SLC1A3: variants seen among roughly 807,000 people sequenced by gnomAD.
SLC1A3 encodes excitatory amino acid transporter 1.
In SLC1A3, 21 loss-of-function variants were observed where a neutral mutation model predicts 48.1. That is an observed-to-expected ratio of 0.44 (90% CI 0.31 to 0.63). The LOEUF (loss-of-function observed/expected upper bound fraction) is 0.63. SLC1A3 is among the 20% of genes least tolerant of loss of function. The pLI is 0.08. For missense variants in SLC1A3, 546 were observed against 689.0 expected (o/e 0.79, Z 2.32); for synonymous variants, 239 against 251.4 (o/e 0.95, Z 0.47).
At chr5:36,638,189 ATGTC>A (rs761950342) in intron 3 of SLC1A3, among the ~76,000 whole-genome samples, 2 of 152,144 alleles carry the variant, frequency 1.3e-5, no homozygotes, top group Non-Finnish European at 2.9e-5. Context: ...CACTGTTAAC[ATGTC>A]TATCTTCCTC....
At chr5:36,652,323 C>T (rs1028469502) in intron 3 of SLC1A3, among the ~76,000 whole-genome samples, 5 of 117,942 alleles carry the variant, frequency 4.2e-5, no homozygotes, top group African/African-American at 1.1e-4. Context: ...CGCACACACA[C>T]ATACACACAC....
chr5:36,632,309 C>G (rs1055541965), intron 3 of SLC1A3, among the ~76,000 whole-genome samples: 1 of 152,210 alleles, frequency 6.6e-6, no homozygotes, highest in Non-Finnish European at 1.5e-5. Flanking sequence ...ACGCAGTACA[C>G]CCATTCCAAT....
intron 3 of SLC1A3, among the ~76,000 whole-genome samples, chr5:36,631,406 T>C (rs1320738064): frequency 1.3e-5 from 2 of 152,198 alleles, no homozygotes; most frequent in East Asian, 3.8e-4. Flanking sequence ...ATAAGAACTT[T>C]GGTTGTGTAA....
At chr5:36,613,882 CT>C (rs201393575) in intron 2 of SLC1A3, among the ~76,000 whole-genome samples, 1,704 of 152,192 alleles carry the variant, frequency 0.011, 35 homozygotes, top group African/African-American at 0.038. Flanking sequence ...ATCTTCTCCC[CT>C]GGGGGAAAAA....
intron 3 of SLC1A3, among the ~76,000 whole-genome samples, chr5:36,650,209 C>G (rs1206469371): frequency 6.6e-6 from 1 of 152,154 alleles, no homozygotes; most frequent in Middle Eastern, 3.2e-3. Context: ...TGGAAGTCCT[C>G]TCTCCTGAAT....
At chr5:36,659,618 A>T (rs897142186) in intron 3 of SLC1A3, among the ~76,000 whole-genome samples, 1 of 152,170 alleles carries the variant, frequency 6.6e-6, no homozygotes, top group African/African-American at 2.4e-5. Flanking sequence ...GTTGATGACA[A>T]CCATTTCCTT....
chr5:36,664,438 G>A (rs1379108142), intron 3 of SLC1A3, among the ~76,000 whole-genome samples: 1 of 151,382 alleles, frequency 6.6e-6, no homozygotes, highest in African/African-American at 2.4e-5. Flanking sequence ...CGGCCCATTG[G>A]CTCCTTTTTA....
chr5:36,650,209 C>T (rs1206469371), intron 3 of SLC1A3, among the ~76,000 whole-genome samples: 3 of 152,154 alleles, frequency 2.0e-5, no homozygotes, highest in Non-Finnish European at 4.4e-5. Context: ...TGGAAGTCCT[C>T]TCTCCTGAAT....
At chr5:36,615,652 G>A (rs1042604593) in intron 2 of SLC1A3, among the ~76,000 whole-genome samples, 3 of 152,152 alleles carry the variant, frequency 2.0e-5, no homozygotes, top group Non-Finnish European at 4.4e-5. Flanking sequence ...AAAACCACAG[G>A]CTTTTGTTTT....
At chr5:36,626,059 G>T (rs1252196846) in intron 2 of SLC1A3, among the ~76,000 whole-genome samples, 1 of 152,196 alleles carries the variant, frequency 6.6e-6, no homozygotes, top group East Asian at 1.9e-4. Flanking sequence ...CATGGAGCTG[G>T]CTTACTTTCC....
chr5:36,650,454 T>C (rs939391336), intron 3 of SLC1A3, among the ~76,000 whole-genome samples: 1 of 152,242 alleles, frequency 6.6e-6, no homozygotes, highest in African/African-American at 2.4e-5. Context: ...ATACATTGAA[T>C]TTGTTTGACA....
rs547601605 is a variant in SLC1A3, at chr5:36,608,919, G to A, written c.181+315G>A. On this transcript the variant is annotated intron_variant, in intron 2 of 9. Coordinates refer to ENST00000265113, the MANE Select transcript of SLC1A3 (RefSeq NM_004172.5). ...TTAATCATTAGGCATGACAAAGCAA[G>A]CATGCTAGATTTGGCCAAAATGTAA... The A allele has an allele frequency of 1.4e-5, 15 of 1,075,952 alleles. No individual in the cohort carries two copies. In the African/African-American group the frequency reaches 1.7e-4, roughly 12 times the overall value. The allele number at this position is 1,075,952 out of a possible 1,614,324, so 66.7% of individuals were successfully genotyped here.
chr5:36,644,223 A>G (rs1740748922), intron 3 of SLC1A3, among the ~76,000 whole-genome samples: 1 of 150,884 alleles, frequency 6.6e-6, no homozygotes. Flanking sequence ...TGTTTGTCTT[A>G]GGTGTGAGAG....
At chr5:36,657,961 T>A (rs1479553290) in intron 3 of SLC1A3, among the ~76,000 whole-genome samples, 4 of 152,218 alleles carry the variant, frequency 2.6e-5, no homozygotes, top group African/African-American at 9.7e-5. Flanking sequence ...GCAGAGTAGC[T>A]ACTAAGAGGG....
intron 2 of SLC1A3, among the ~76,000 whole-genome samples, chr5:36,622,675 G>T (rs1294161301): frequency 1.3e-5 from 2 of 152,138 alleles, no homozygotes; most frequent in Non-Finnish European, 2.9e-5. Flanking sequence ...TGCACGTTGT[G>T]TCTTAGTTTA....
chr5:36,663,291 C>A (rs1741590381), intron 3 of SLC1A3, among the ~76,000 whole-genome samples: 1 of 152,010 alleles, frequency 6.6e-6, no homozygotes, highest in South Asian at 2.1e-4. Flanking sequence ...TCTCTGCTCC[C>A]TGCAACCTCC....
intron 2 of SLC1A3, among the ~76,000 whole-genome samples, chr5:36,625,918 A>T (rs142476361): frequency 6.6e-6 from 1 of 152,234 alleles, no homozygotes; most frequent in Non-Finnish European, 1.5e-5. Context: ...CTTGCTGACT[A>T]TAAGGAGAGA....
chr5:36,675,539 C>A (rs562446010), intron 5 of SLC1A3, among the ~76,000 whole-genome samples: 3 of 152,250 alleles, frequency 2.0e-5, no homozygotes, highest in South Asian at 4.2e-4. Flanking sequence ...TTGGCTTAGA[C>A]CAGGATGCAA....
intron 1 of SLC1A3, among the ~76,000 whole-genome samples, chr5:36,599,674 A>G (rs539956302): frequency 3.7e-4 from 48 of 128,098 alleles, no homozygotes; most frequent in African/African-American, 1.5e-3. Context: ...CACGCCTGCT[A>G]ATTTTTGTAT....
Sources: gnomAD v4.1 joint callset for allele counts (sites outside exome capture counted in the v4.1 genomes callset) on GRCh38, gnomAD v4.1.1 for gene constraint, MANE v1.5 for transcripts, NCBI Gene and HGNC (gene_info 2026-07-23, HGNC 2026-07-21) for gene names.